TTLL5: variants seen among roughly 807,000 people sequenced by gnomAD.
TTLL5 encodes tubulin polyglutamylase TTLL5.
In TTLL5, 132 loss-of-function variants were observed where a neutral mutation model predicts 168.4. The ratio of observed to expected loss-of-function variants is 0.78; its 90% CI spans 0.68 to 0.91. TTLL5 has a LOEUF of 0.91. Among genes scored for constraint, TTLL5 ranks in the 40% least tolerant of loss-of-function variants. The probability of loss-of-function intolerance (pLI) is 0.00; values close to 1 mark genes in which losing one functional copy is unlikely to be tolerated. For synonymous variants in TTLL5, 546 were observed against 558.6 expected (o/e 0.98, Z 0.32); for missense variants, 1,545 against 1,581.5 (o/e 0.98, Z 0.39).
chr14:75,736,619 T>C (rs1297401069), intron 15 of TTLL5, among the ~76,000 whole-genome samples: 1 of 152,166 alleles, frequency 6.6e-6, no homozygotes, highest in Non-Finnish European at 1.5e-5. Flanking sequence ...CTTGCTATTG[T>C]CAAGAGAAAT....
intron 3 of TTLL5, among the ~76,000 whole-genome samples, chr14:75,675,298 A>C (rs1884054774): frequency 6.6e-6 from 1 of 152,238 alleles, no homozygotes; most frequent in Non-Finnish European, 1.5e-5. Context: ...GTGTTCTACA[A>C]GTCAAAAATG....
At chr14:75,951,622 CATG>C (rs1245000019) in intron 31 of TTLL5, among the ~76,000 whole-genome samples, 1 of 151,970 alleles carries the variant, frequency 6.6e-6, no homozygotes, top group Non-Finnish European at 1.5e-5. Context: ...CTAGCCCAGG[CATG>C]GTGGTACATG....
At chr14:75,757,162 G>C (rs1890321927) in intron 18 of TTLL5, among the ~76,000 whole-genome samples, 1 of 152,066 alleles carries the variant, frequency 6.6e-6, no homozygotes, top group Non-Finnish European at 1.5e-5. Flanking sequence ...TATTTTAGTA[G>C]AGACAGGGTT....
At chr14:75,785,326 C>T (rs1892304310) in intron 26 of TTLL5, among the ~76,000 whole-genome samples, 1 of 152,090 alleles carries the variant, frequency 6.6e-6, no homozygotes. Context: ...ACTACAGGCA[C>T]ATGCCACCAT....
At chr14:75,804,622 T>G (rs1476322218) in intron 27 of TTLL5, among the ~76,000 whole-genome samples, 1 of 152,248 alleles carries the variant, frequency 6.6e-6, no homozygotes, top group Non-Finnish European at 1.5e-5. Flanking sequence ...AGTTTCATAT[T>G]CTTTCTTAGT....
intron 7 of TTLL5, among the ~76,000 whole-genome samples, chr14:75,703,416 A>T (rs1886421522): frequency 1.3e-5 from 2 of 152,224 alleles, no homozygotes; most frequent in Non-Finnish European, 2.9e-5. Flanking sequence ...AGTGTGGACC[A>T]CAGATGGAAA....
At chr14:75,842,386 A>G (rs1271715815) in intron 28 of TTLL5, among the ~76,000 whole-genome samples, 2 of 152,186 alleles carry the variant, frequency 1.3e-5, no homozygotes, top group South Asian at 2.1e-4. Flanking sequence ...GGGCAGGAGT[A>G]CAACTGAGAG....
At chr14:75,819,212 G>C (rs536883395) in intron 27 of TTLL5, among the ~76,000 whole-genome samples, 1 of 152,292 alleles carries the variant, frequency 6.6e-6, no homozygotes, top group South Asian at 2.1e-4. Flanking sequence ...TTGTTGTATA[G>C]TTCCCAGAAG....
At chr14:75,914,513 A>G (rs998940572) in intron 31 of TTLL5, among the ~76,000 whole-genome samples, 1 of 152,112 alleles carries the variant, frequency 6.6e-6, no homozygotes, top group Non-Finnish European at 1.5e-5. Context: ...ACAGTCTTCA[A>G]AATCAGAATA....
intron 25 of TTLL5, 28 bp from the exon 26 acceptor site, chr14:75,783,119 A>G (rs996776069): frequency 6.4e-7 from 1 of 1,566,160 alleles, no homozygotes; most frequent in South Asian, 1.2e-5. Flanking sequence ...TCCTATAATG[A>G]TGTCTTGTTT....
At chr14:75,925,661 G>C (rs2034024791) in intron 31 of TTLL5, among the ~76,000 whole-genome samples, 1 of 152,058 alleles carries the variant, frequency 6.6e-6, no homozygotes, top group South Asian at 2.1e-4. Flanking sequence ...GGGCCCGGCA[G>C]AGGCTGCAAT....
intron 17 of TTLL5, among the ~76,000 whole-genome samples, chr14:75,748,090 C>T (rs915259746): frequency 6.6e-6 from 1 of 152,124 alleles, no homozygotes; most frequent in East Asian, 1.9e-4. Flanking sequence ...AGTTGTACTT[C>T]GTGTATTTCC....
At chr14:75,848,128 G>A (rs1896655057) in intron 28 of TTLL5, among the ~76,000 whole-genome samples, 1 of 151,954 alleles carries the variant, frequency 6.6e-6, no homozygotes, top group African/African-American at 2.4e-5. Context: ...GAAGGAAGGG[G>A]GCAGAGGCAG....
intron 12 of TTLL5, among the ~76,000 whole-genome samples, chr14:75,725,617 C>T (rs745341245): frequency 6.6e-6 from 1 of 152,208 alleles, no homozygotes; most frequent in Non-Finnish European, 1.5e-5. Flanking sequence ...TTCTCTCTGG[C>T]TCTTTCTCCA....
intron 29 of TTLL5, among the ~76,000 whole-genome samples, chr14:75,874,787 A>G (rs2031323154): frequency 6.6e-6 from 1 of 152,114 alleles, no homozygotes. Context: ...AAGCAAAGTA[A>G]ACTGGTAACA....
intron 18 of TTLL5, among the ~76,000 whole-genome samples, chr14:75,760,135 A>G (rs1890540537): frequency 6.6e-6 from 1 of 152,120 alleles, no homozygotes; most frequent in African/African-American, 2.4e-5. Context: ...ACAGAAGTGA[A>G]CTTAGCAAGG....
At chr14:75,770,741 C>T (rs960828614) in intron 20 of TTLL5, among the ~76,000 whole-genome samples, 1 of 152,192 alleles carries the variant, frequency 6.6e-6, no homozygotes, top group African/African-American at 2.4e-5. Flanking sequence ...AATGATGTTG[C>T]TAAGGTGCTT....
At chr14:75,757,026 G>A (rs1425746185) in intron 18 of TTLL5, among the ~76,000 whole-genome samples, 1 of 151,766 alleles carries the variant, frequency 6.6e-6, no homozygotes, top group Non-Finnish European at 1.5e-5. Context: ...TGCCCAGAGT[G>A]GAGTGCAGTG....
intron 30 of TTLL5, among the ~76,000 whole-genome samples, chr14:75,883,633 T>A (rs1011139517): frequency 6.6e-6 from 1 of 152,252 alleles, no homozygotes; most frequent in Non-Finnish European, 1.5e-5. Flanking sequence ...ATAGAAAAAG[T>A]CATTACTGTT....
Sources: allele counts gnomAD v4.1 joint callset (sites outside exome capture counted in the v4.1 genomes callset), GRCh38; gene constraint gnomAD v4.1.1; transcripts MANE v1.5; gene names NCBI Gene and HGNC (gene_info 2026-07-23, HGNC 2026-07-21).